RTEL1: variants seen among roughly 807,000 people sequenced by gnomAD.
RTEL1 encodes the protein regulator of telomere length.
Under a neutral mutation model 162.2 loss-of-function variants are expected in RTEL1, and 86 were observed. The observed-to-expected ratio is 0.53, with a 90% CI of 0.45 to 0.63. The LOEUF (loss-of-function observed/expected upper bound fraction) is 0.63. Among genes scored for constraint, RTEL1 ranks in the 30% least tolerant of loss-of-function variants. The probability of loss-of-function intolerance (pLI) is 0.00; values close to 1 mark genes in which losing one functional copy is unlikely to be tolerated. For synonymous variants in RTEL1, 958 were observed against 717.9 expected (o/e 1.33, Z -5.35); for missense variants, 1,941 against 1,750.2 (o/e 1.11, Z -1.95).
At chr20:63,688,658 C>T (rs2090651924) in intron 21 of RTEL1, 53 bp downstream of exon 21, 5 of 1,514,892 alleles carry the variant, frequency 3.3e-6, no homozygotes, top group Middle Eastern at 1.8e-4. Flanking sequence ...CCTCCCCTGC[C>T]TCTCACAGCT....
Position 63,689,713 on chromosome 20 carries a change from AAGGGAGCCCCCGTGACCG to A in RTEL1, c.2026-34_2026-17del. ...GTGACTGAGCCCCCGCCCCGTGGCC[AAGGGAGCCCCCGTGACCG>A]AGCCGCCTCGCCCCACAGTTCCTCT... On this transcript the variant is annotated intron_variant, in intron 23 of 34. Transcript: ENST00000360203. 1 of 1,606,360 alleles carries A rather than the reference AAGGGAGCCCCCGTGACCG, an allele frequency of 6.2e-7. No individual in the cohort carries two copies. Among genetic ancestry groups the A allele is most frequent in the Non-Finnish European group, 8.5e-7 (1 of 1,175,466 alleles).
In RTEL1 at chr20:63,692,639, C is replaced by T. The variant is rs191111967; in HGVS notation, c.2653-166C>T. The T allele has an allele frequency of 2.0e-4, 134 of 657,968 alleles. 1 individual carries two copies. Among genetic ancestry groups the T allele is most frequent in the South Asian group, 4.0e-4 (21 of 52,908 alleles). 40.8% of individuals were successfully genotyped at this position (657,968 alleles called of 1,614,324 possible). On this transcript the variant is annotated intron_variant, in intron 28 of 34. Transcript: ENST00000360203. ...GGGCCCAGCCCCACAGCTTTCTTCCCGCAGCCCCTCCCTATGTCCATCCAG... is the reference window on the plus strand; with the variant it reads ...GGGCCCAGCCCCACAGCTTTCTTCCTGCAGCCCCTCCCTATGTCCATCCAG...
At chr20:63,678,055 T>G in intron 10 of RTEL1, 90 bp from the exon 11 acceptor site, 1 of 1,500,954 alleles carries the variant, frequency 6.7e-7, no homozygotes, top group Non-Finnish European at 9.2e-7. Flanking sequence ...TTGGTGTCCT[T>G]TTTTCCATGC....
intron 14 of RTEL1, chr20:63,681,984 C>T: frequency 1.0e-6 from 1 of 985,456 alleles, no homozygotes; most frequent in Non-Finnish European, 1.2e-6. Flanking sequence ...ATCAGGCGGA[C>T]CTGCTTCCAT....
rs565224504 is a variant in RTEL1 at position 63,673,166 on chromosome 20, G to A, written c.765+545G>A. Reference sequence around the variant, plus strand: ...CCCAGCACTTTGGGAGGCTGAGGTGGGCGGATCACGAGGTCAAGAGATCAA... The same window carrying A: ...CCCAGCACTTTGGGAGGCTGAGGTGAGCGGATCACGAGGTCAAGAGATCAA... On this transcript the variant is annotated intron_variant, in intron 9 of 34. Transcript: ENST00000360203. Among the ~76,000 whole-genome samples, 10 of 152,176 alleles carry A rather than the reference G, an allele frequency of 6.6e-5. No homozygotes were observed. The East Asian group carries it at 1.4e-3, about 21-fold the overall frequency.
At chr20:63,695,676 T>G in intron 34 of RTEL1, 26 bp downstream of exon 34, 1 of 1,610,814 alleles carries the variant, frequency 6.2e-7, no homozygotes, top group Non-Finnish European at 8.5e-7. Flanking sequence ...CTACAGTTCC[T>G]GCTGGGTGTA....
rs1034441850 is a variant in RTEL1, at chr20:63,671,252, C to T, written c.700-1304C>T. On this transcript the variant is annotated intron_variant, in intron 8 of 34. Coordinates refer to ENST00000360203, the MANE Select transcript of RTEL1 (RefSeq NM_001283009.2). ...ATTTTTGTATTTTCAGTAGAGACGG[C>T]AGTTCGCCATGTTGGCCAGGCTGGT... Among the ~76,000 whole-genome samples the T allele has an allele frequency of 2.6e-5, 4 of 151,152 alleles. No homozygotes were observed. In the East Asian group the frequency reaches 7.9e-4, roughly 30 times the overall value.
Position 63,694,380 on chromosome 20 carries a change from G to A in RTEL1, c.3001G>A (p.Ala1001Thr), listed in dbSNP as rs1174229845. 1.2e-6 allele frequency: 2 copies of A among 1,612,172 alleles called. No homozygotes were observed. The highest frequency in any genetic ancestry group is 1.7e-6 in the Non-Finnish European group (2 of 1,179,528). Residue 1001 changes from alanine (A) to threonine (T), a missense_variant, in exon 31 of 35, where the codon GCG (alanine) becomes ACG (threonine). Coordinates refer to ENST00000360203, the MANE Select transcript of RTEL1 (RefSeq NM_001283009.2). Reference sequence around the variant, plus strand: ...CTACATCTCTTCATCAGGAAGAACGGCGCCGGATCCCAAGCTGACCGTGTC... The same window carrying A: ...CTACATCTCTTCATCAGGAAGAACGACGCCGGATCCCAAGCTGACCGTGTC... ...QPVLDPTGRT[A>T]PDPKLTVSTA...
chr20:63,659,596 G>T lies in RTEL1; in HGVS notation c.102+92G>T. 11 of 931,146 alleles carry T rather than the reference G, an allele frequency of 1.2e-5. No homozygotes were observed. In the South Asian group the frequency reaches 1.5e-4, roughly 13 times the overall value. 57.7% of individuals were successfully genotyped at this position (931,146 alleles called of 1,614,324 possible). A position where few individuals can be genotyped will look rare whatever the true frequency, so the allele number is the denominator to read the frequency against. On this transcript the variant is annotated intron_variant, in intron 2 of 34. Coordinates refer to ENST00000360203, the MANE Select transcript of RTEL1 (RefSeq NM_001283009.2). The stretch of plus-strand genomic sequence containing the variant: ...CCCTCTCCCGGCCCATTCCAGCCAG[G>T]CCCCTCCGGGCCAGAGGCAGCGTCT...
At position 63,661,950 on chromosome 20, in the gene RTEL1, C is replaced by T; in HGVS notation, c.395+7C>T. On this transcript the variant is annotated splice_region_variant and intron_variant, in intron 4 of 34. Coordinates refer to ENST00000360203, the MANE Select transcript of RTEL1 (RefSeq NM_001283009.2). The surrounding 1 kb of genome is among the most constrained non-coding windows in gnomAD (Gnocchi z 5.1). Reference sequence around the variant, plus strand: ...TTCGGAACACCTCCTACCGGTGGGTCAGACGAGTTTACACCTGTCTCGGGG... The same window carrying T: ...TTCGGAACACCTCCTACCGGTGGGTTAGACGAGTTTACACCTGTCTCGGGG... The T allele has an allele frequency of 6.2e-7, 1 of 1,611,040 alleles. No homozygotes were observed. The highest frequency in any genetic ancestry group is 8.5e-7 in the Non-Finnish European group (1 of 1,177,294).
At chr20:63,693,564 ACCACCT>A (rs1568720906) in intron 30 of RTEL1, among the ~76,000 whole-genome samples, 21 of 69,262 alleles carry the variant, frequency 3.0e-4, no homozygotes, top group Middle Eastern at 8.3e-3. Flanking sequence ...CTCCACCTCC[ACCACCT>A]CCACCTCCAC....
rs199661134 is a variant in RTEL1 at position 63,661,426 on chromosome 20, A to G, written c.231A>G (p.Gln77=). The G allele has an allele frequency of 1.2e-6, 2 of 1,613,786 alleles. No individual in the cohort carries two copies. The highest frequency in any genetic ancestry group is 1.7e-5 in the Admixed American group (1 of 60,012). ...CCCGCAAGATTGCCGAGAGGGCGCA[A>G]GGAGAGCTTTTCCCGGATCGGGCCT... ...ISARKIAERA[Q]GELFPDRALS... The change falls in exon 3 of 35, where the codon CAA becomes CAG. Residue 77 remains glutamine (Q), a synonymous_variant. Coordinates refer to ENST00000360203, the MANE Select transcript of RTEL1 (RefSeq NM_001283009.2). The surrounding 1 kb of genome is among the most constrained non-coding windows in gnomAD (Gnocchi z 5.1).
chr20:63,685,957 C>A, intron 16 of RTEL1, 85 bp downstream of exon 16: 1 of 1,317,572 alleles, frequency 7.6e-7, no homozygotes, highest in Non-Finnish European at 1.1e-6. Flanking sequence ...CATGCCCAGC[C>A]GTGGATCTCC....
intron 10 of RTEL1, 150 bp from the exon 11 acceptor site, chr20:63,677,995 G>A: frequency 1.2e-6 from 1 of 839,998 alleles, no homozygotes; most frequent in Non-Finnish European, 1.9e-6. Flanking sequence ...TCCTTCCCAT[G>A]TTGGTGGATT....
At chr20:63,694,050 C>A (rs2090898770) in intron 30 of RTEL1, among the ~76,000 whole-genome samples, 1 of 152,024 alleles carries the variant, frequency 6.6e-6, no homozygotes, top group Non-Finnish European at 1.5e-5. Context: ...CCTAGTTCAC[C>A]CAGGGGGGAA....
intron 12 of RTEL1, among the ~76,000 whole-genome samples, chr20:63,678,668 C>T (rs1291912163): frequency 2.3e-5 from 3 of 130,250 alleles, no homozygotes; most frequent in South Asian, 2.4e-4. Context: ...CACACACCCA[C>T]GGAACGGCAC....
chr20:63,676,598 A>G (rs1485285420), intron 10 of RTEL1, among the ~76,000 whole-genome samples: 1 of 152,134 alleles, frequency 6.6e-6, no homozygotes, highest in African/African-American at 2.4e-5. Context: ...CCTGCACCAT[A>G]TCAGCTATGT....
chr20:63,689,673 G>C (rs2090679001), intron 23 of RTEL1, 25 bp downstream of exon 23: 5 of 1,607,460 alleles, frequency 3.1e-6, no homozygotes, highest in South Asian at 2.2e-5. Context: ...GGTGGGGCTG[G>C]GGTAAGGCGG....
chr20:63,680,551 C>T, intron 13 of RTEL1, 113 bp from the exon 14 acceptor site: 16 of 1,140,646 alleles, frequency 1.4e-5, no homozygotes, highest in Non-Finnish European at 1.9e-5. Flanking sequence ...CCCCATTGGG[C>T]AGGAGATGGA....
Sources: gnomAD v4.1 joint callset for allele counts (sites outside exome capture counted in the v4.1 genomes callset) on GRCh38, gnomAD v4.1.1 for gene constraint, Gnocchi (gnomAD v3.1) non-coding constraint, MANE v1.5 for transcripts, NCBI Gene and HGNC (gene_info 2026-07-23, HGNC 2026-07-21) for gene names.